NUBPL: variants seen among roughly 807,000 people sequenced by gnomAD.
NUBPL encodes iron-sulfur cluster transfer protein NUBPL.
A neutral mutation model predicts 45.7 loss-of-function variants in NUBPL; 31 were observed. The observed-to-expected ratio is 0.68, with a 90% confidence interval of 0.51 to 0.92. The LOEUF (loss-of-function observed/expected upper bound fraction) is 0.92, where lower values mean the gene tolerates loss of function less well. Ranked by LOEUF, NUBPL falls within the 40% of genes least tolerant of loss-of-function variation. The pLI, the probability that NUBPL is intolerant of heterozygous loss-of-function variation, is 0.00. For synonymous variants in NUBPL, 144 were observed against 140.9 expected (o/e 1.02, Z -0.15); for missense variants, 401 against 398.7 (o/e 1.01, Z -0.05).
At chr14:31,747,148 T>TTTTTC (rs1555334096) in intron 6 of NUBPL, among the ~76,000 whole-genome samples, 2 of 150,224 alleles carry the variant, frequency 1.3e-5, no homozygotes, top group African/African-American at 2.5e-5. Flanking sequence ...TTCTTTTTTT[T>TTTTTC]TTTCTGAGTC....
chr14:31,851,696 C>T (rs982539961), intron 10 of NUBPL, among the ~76,000 whole-genome samples: 6 of 152,050 alleles, frequency 3.9e-5, no homozygotes, highest in African/African-American at 1.5e-4. Context: ...TCCCAACTAC[C>T]ATAGCTGTAC....
At chr14:31,586,967 A>G (rs2034011422) in intron 3 of NUBPL, among the ~76,000 whole-genome samples, 1 of 152,188 alleles carries the variant, frequency 6.6e-6, no homozygotes, top group African/African-American at 2.4e-5. Context: ...TCTAACTCTC[A>G]GTGTTTGGGA....
chr14:31,772,084 C>A (rs1453850340), intron 6 of NUBPL, among the ~76,000 whole-genome samples: 2 of 152,178 alleles, frequency 1.3e-5, no homozygotes, highest in Non-Finnish European at 2.9e-5. Context: ...TTCCCAAATA[C>A]AAGTATTTTT....
intron 4 of NUBPL, among the ~76,000 whole-genome samples, chr14:31,621,417 A>G (rs1445043181): frequency 1.3e-5 from 2 of 152,098 alleles, no homozygotes; most frequent in Non-Finnish European, 2.9e-5. Context: ...GGTGGCATAC[A>G]TAGGTGCCAG....
intron 4 of NUBPL, among the ~76,000 whole-genome samples, chr14:31,614,586 T>A (rs748653090): frequency 2.0e-5 from 3 of 152,208 alleles, no homozygotes; most frequent in African/African-American, 7.2e-5. Context: ...TCTTAAAAAA[T>A]TATGAAATTT....
intron 7 of NUBPL, among the ~76,000 whole-genome samples, chr14:31,816,804 G>C (rs1374891324): frequency 6.6e-6 from 1 of 151,990 alleles, no homozygotes. Flanking sequence ...AATCATTCAG[G>C]AGCATGTTGT....
chr14:31,561,866 CCTG>C, intron 1 of NUBPL, 199 bp from the exon 2 acceptor site: 1 of 620,012 alleles, frequency 1.6e-6, no homozygotes, highest in Non-Finnish European at 2.8e-6. Flanking sequence ...TTCAGCGTAT[CCTG>C]CTAGAAAAAT....
At chr14:31,701,869 T>C (rs4981115) in intron 6 of NUBPL, among the ~76,000 whole-genome samples, 112,975 of 152,090 alleles carry the variant, frequency 0.74, 47,654 homozygotes, top group East Asian at 0.99. Context: ...ATGTCAAGTA[T>C]TGGATTACTT....
At chr14:31,738,078 TTCAATAATAAACTTTTAAAATAG>T (rs1306393266) in intron 6 of NUBPL, among the ~76,000 whole-genome samples, 26 of 152,340 alleles carry the variant, frequency 1.7e-4, no homozygotes, top group African/African-American at 6.3e-4. Flanking sequence ...CTTTTATGTT[TTCAATAATAAACTTTTAAAATAG>T]TGGTTGTCAC....
At chr14:31,637,199 C>T (rs1396959614) in intron 4 of NUBPL, among the ~76,000 whole-genome samples, 1 of 152,156 alleles carries the variant, frequency 6.6e-6, no homozygotes, top group East Asian at 1.9e-4. Context: ...AATTTTGGAT[C>T]TTTCCTGCTT....
chr14:31,635,905 G>A (rs999132064), intron 4 of NUBPL, among the ~76,000 whole-genome samples: 6 of 152,188 alleles, frequency 3.9e-5, no homozygotes, highest in African/African-American at 1.4e-4. Flanking sequence ...TGTTATTGGT[G>A]TGTAAGAATG....
chr14:31,695,508 G>A (rs933508428), intron 6 of NUBPL, among the ~76,000 whole-genome samples: 5 of 152,156 alleles, frequency 3.3e-5, no homozygotes, highest in African/African-American at 4.8e-5. Context: ...ACCAGGCAGT[G>A]TTGGGAGGTG....
intron 7 of NUBPL, among the ~76,000 whole-genome samples, chr14:31,789,190 G>A (rs1453956545): frequency 6.6e-6 from 1 of 152,100 alleles, no homozygotes; most frequent in Non-Finnish European, 1.5e-5. Flanking sequence ...GCCAGGTGTG[G>A]TGGCGGGCAC....
intron 6 of NUBPL, among the ~76,000 whole-genome samples, chr14:31,711,992 G>T (rs1221648876): frequency 6.6e-6 from 1 of 152,180 alleles, no homozygotes; most frequent in Non-Finnish European, 1.5e-5. Context: ...GCTCGTAAAG[G>T]TGGTGCAGAC....
intron 6 of NUBPL, among the ~76,000 whole-genome samples, chr14:31,723,102 C>T (rs907013421): frequency 1.3e-5 from 2 of 152,100 alleles, no homozygotes. Context: ...TTTAATCCAT[C>T]TTGAACTGAT....
intron 4 of NUBPL, among the ~76,000 whole-genome samples, chr14:31,607,366 G>T (rs888789451): frequency 6.7e-6 from 1 of 148,924 alleles, no homozygotes; most frequent in Non-Finnish European, 1.5e-5. Flanking sequence ...CTGGGTGACA[G>T]AGTGAGACTT....
chr14:31,738,436 C>T (rs906469028), intron 6 of NUBPL, among the ~76,000 whole-genome samples: 1 of 152,298 alleles, frequency 6.6e-6, no homozygotes, highest in South Asian at 2.1e-4. Flanking sequence ...TGACTGGGGA[C>T]TCTTGACAGT....
At chr14:31,650,273 G>T (rs2035964222) in intron 4 of NUBPL, among the ~76,000 whole-genome samples, 1 of 148,408 alleles carries the variant, frequency 6.7e-6, no homozygotes, top group South Asian at 2.1e-4. Context: ...CTTCTTTTGG[G>T]AATGGCTTTC....
At chr14:31,633,089 GCAA>G (rs2035386930) in intron 4 of NUBPL, among the ~76,000 whole-genome samples, 1 of 152,180 alleles carries the variant, frequency 6.6e-6, no homozygotes, top group African/African-American at 2.4e-5. Flanking sequence ...CTGGTAATTA[GCAA>G]CAAATTTGGA....
Sources: gnomAD v4.1 joint callset for allele counts (sites outside exome capture counted in the v4.1 genomes callset) on GRCh38, gnomAD v4.1.1 for gene constraint, MANE v1.5 for transcripts, NCBI Gene and HGNC (gene_info 2026-07-23, HGNC 2026-07-21) for gene names.